DYSF: variants seen among roughly 807,000 people sequenced by gnomAD.
The protein encoded by DYSF is dysferlin.
In DYSF, 212 loss-of-function variants were observed where a neutral mutation model predicts 274.9. That is an observed-to-expected ratio of 0.77 (90% CI 0.69 to 0.86). The LOEUF (loss-of-function observed/expected upper bound fraction) is 0.86, where lower values mean the gene tolerates loss of function less well. DYSF is among the 40% of genes least tolerant of loss of function. DYSF has a pLI of 0.00. For missense variants in DYSF, 2,666 were observed against 2,783.2 expected (o/e 0.96, Z 0.95); for synonymous variants, 1,091 against 1,078.7 (o/e 1.01, Z -0.22).
chr2:71,618,136 G>A (rs370329768), intron 40 of DYSF, among the ~76,000 whole-genome samples: 15 of 112,952 alleles, frequency 1.3e-4, no homozygotes, highest in South Asian at 6.3e-4. Context: ...TAGAGGTGGC[G>A]TGTGTGGTAG....
At chr2:71,464,766 T>A (rs4538230), upstream of DYSF, among the ~76,000 whole-genome samples, 5,130 of 152,000 alleles carry the variant, frequency 0.034, 161 homozygotes, top group African/African-American at 0.082. Context: ...GTCATGAGAA[T>A]TGAATTGAGG....
At chr2:71,509,156 G>A (rs920874572) in intron 4 of DYSF, among the ~76,000 whole-genome samples, 5 of 151,748 alleles carry the variant, frequency 3.3e-5, no homozygotes, top group African/African-American at 7.3e-5. Context: ...GTGCCCAGCC[G>A]TCATGAAGTG....
chr2:71,679,512 T>G (rs2095269641), intron 53 of DYSF, among the ~76,000 whole-genome samples: 1 of 152,122 alleles, frequency 6.6e-6, no homozygotes, highest in South Asian at 2.1e-4. Context: ...GCTTTAATAG[T>G]GACCTGTGTC....
rs74263952 is a variant in DYSF at position 71,622,130 on chromosome 2, G to GTT, written c.4527+1536_4527+1537dup. The stretch of plus-strand genomic sequence containing the variant: ...ATATGTCCATTCAGATGATTTCTTT[G>GTT]TTTTTTTTTTTTTTTTGTTACGCCC... On this transcript the variant is annotated intron_variant, in intron 41 of 55. Transcript: ENST00000410020. Among the ~76,000 whole-genome samples the GTT allele has an allele frequency of 1.5e-4, 15 of 97,004 alleles. 1 individual carries two copies. The highest frequency in any genetic ancestry group is 3.9e-4 in the African/African-American group (10 of 25,518). 63.6% of individuals were successfully genotyped at this position (97,004 alleles called of 152,430 possible).
In DYSF at chr2:71,511,891, C is replaced by T. The variant is rs1466814284; in HGVS notation, c.430C>T (p.Pro144Ser). The stretch of plus-strand genomic sequence containing the variant: ...GCCCCCTACTCCTCTGGAGCCCTCC[C>T]CGACTCTGCCTGACCTGGATGTAGT... Reference protein sequence around the residue: ...FPPPTPLEPSPTLPDLDVVAG... With the variant: ...FPPPTPLEPSSTLPDLDVVAG... Residue 144 changes from proline to serine, a missense_variant, in exon 5 of 56, where the codon CCG (proline) becomes TCG (serine). This residue lies in a region of DYSF where 794 missense variants were observed against 777.1 expected (regional missense o/e 1.02). Coordinates refer to ENST00000410020, the MANE Select transcript of DYSF (RefSeq NM_001130987.2). 2.6e-6 allele frequency: 4 copies of T among 1,551,344 alleles called. No individual in the cohort carries two copies. Among genetic ancestry groups the T allele is most frequent in the Admixed American group, 3.9e-5 (2 of 51,010 alleles).
chr2:71,624,041 C>G (rs1310575287), intron 41 of DYSF, among the ~76,000 whole-genome samples: 2 of 150,262 alleles, frequency 1.3e-5, no homozygotes, highest in Admixed American at 6.7e-5. Flanking sequence ...TGCACTCTAT[C>G]CTGGGTGACA....
chr2:71,518,422 G>GTTT (rs573031688), intron 10 of DYSF, among the ~76,000 whole-genome samples: 17 of 136,080 alleles, frequency 1.2e-4, no homozygotes, highest in Non-Finnish European at 1.4e-4. Flanking sequence ...ACGCCTGGCA[G>GTTT]TTTTTTTTTT....
At chr2:71,478,182 C>T (rs2152673874) in intron 1 of DYSF, among the ~76,000 whole-genome samples, 1 of 151,478 alleles carries the variant, frequency 6.6e-6, no homozygotes, top group African/African-American at 2.4e-5. Flanking sequence ...TGCAGGCCAC[C>T]TAAATAAAAG....
intron 30 of DYSF, among the ~76,000 whole-genome samples, chr2:71,576,718 G>C (rs533313704): frequency 6.6e-6 from 1 of 152,352 alleles, no homozygotes; most frequent in Admixed American, 6.5e-5. Context: ...GAGTGGGGAA[G>C]AGGTGACTGG....
At chr2:71,570,829 A>C in intron 29 of DYSF, 88 bp downstream of exon 29, 1 of 1,573,658 alleles carries the variant, frequency 6.4e-7, no homozygotes, top group Non-Finnish European at 8.6e-7. Flanking sequence ...CCACAGACAC[A>C]TGCATGTGTG....
At chr2:71,667,943 G>A (rs777786289) in intron 48 of DYSF, among the ~76,000 whole-genome samples, 12 of 152,110 alleles carry the variant, frequency 7.9e-5, no homozygotes, top group Non-Finnish European at 1.8e-4. Flanking sequence ...ATGACCAAAT[G>A]ACAAAGCCAC....
chr2:71,479,705 G>A (rs1418242777), intron 1 of DYSF, among the ~76,000 whole-genome samples: 3 of 152,176 alleles, frequency 2.0e-5, no homozygotes, highest in African/African-American at 7.2e-5. Flanking sequence ...TGCTCCAGAG[G>A]AAGGGCTTCT....
chr2:71,654,569 G>T (rs2094731083), intron 42 of DYSF, among the ~76,000 whole-genome samples: 1 of 152,108 alleles, frequency 6.6e-6, no homozygotes, highest in Non-Finnish European at 1.5e-5. Flanking sequence ...GATTGCTTGA[G>T]GCCAGGAGTT....
chr2:71,553,527 C>T (rs1036516952), intron 20 of DYSF, among the ~76,000 whole-genome samples: 8 of 152,208 alleles, frequency 5.3e-5, no homozygotes, highest in African/African-American at 1.9e-4. Flanking sequence ...TTGACATGCC[C>T]AGGAGCCCTA....
chr2:71,632,606 C>T (rs1387936173), intron 41 of DYSF, among the ~76,000 whole-genome samples: 1 of 152,084 alleles, frequency 6.6e-6, no homozygotes, highest in African/African-American at 2.4e-5. Flanking sequence ...CTGCCCAGGC[C>T]CTATTGGAAT....
intron 30 of DYSF, among the ~76,000 whole-genome samples, chr2:71,585,017 G>T (rs1282424549): frequency 6.6e-6 from 1 of 152,230 alleles, no homozygotes; most frequent in Non-Finnish European, 1.5e-5. Context: ...CAAGGACCGT[G>T]GGGTATCATT....
chr2:71,526,516 C>A lies in DYSF; in HGVS notation c.1276+170C>A, dbSNP rs562522916. Among the ~76,000 whole-genome samples the A allele has an allele frequency of 7.9e-5, 12 of 152,376 alleles. No individual in the cohort carries two copies. The South Asian group carries it at 2.5e-3, about 32-fold the overall frequency. ...CAGTGCTGGTGGAGTTACAAAGATT[C>A]AAGAACTCTTGAGAGTAATAGCTGC... On this transcript the variant is annotated intron_variant, in intron 13 of 55. Coordinates refer to ENST00000410020, the MANE Select transcript of DYSF (RefSeq NM_001130987.2).
chr2:71,477,223 T>C (rs2082463082), intron 1 of DYSF, among the ~76,000 whole-genome samples: 1 of 152,014 alleles, frequency 6.6e-6, no homozygotes, highest in African/African-American at 2.4e-5. Flanking sequence ...AGGAGGGTTT[T>C]ATGGGGCAAT....
At chr2:71,574,405 G>C (rs763973460) in intron 30 of DYSF, 34 bp downstream of exon 30, 1 of 1,607,038 alleles carries the variant, frequency 6.2e-7, no homozygotes, top group South Asian at 1.1e-5. Flanking sequence ...GGCTTGGGTA[G>C]GGTATATCTT....
Sources: gnomAD v4.1 joint callset for allele counts (sites outside exome capture counted in the v4.1 genomes callset) on GRCh38, gnomAD v4.1.1 for gene constraint, gnomAD v4.1.1 regional missense constraint, MANE v1.5 for transcripts, NCBI Gene and HGNC (gene_info 2026-07-23, HGNC 2026-07-21) for gene names.